LINGO2: variants seen among roughly 807,000 people sequenced by gnomAD.
The protein encoded by LINGO2 is leucine-rich repeat and immunoglobulin-like domain-containing nogo receptor-interacting protein 2.
A neutral mutation model predicts 30.6 loss-of-function variants in LINGO2; 14 were observed. That is an observed-to-expected ratio of 0.46 (90% CI 0.30 to 0.72). LINGO2 has a LOEUF of 0.72. Among genes scored for constraint, LINGO2 ranks in the 30% least tolerant of loss-of-function variants. The pLI, the probability that LINGO2 is intolerant of heterozygous loss-of-function variation, is 0.07. For synonymous variants in LINGO2, 317 were observed against 288.5 expected (o/e 1.10, Z -1.00); for missense variants, 729 against 751.7 (o/e 0.97, Z 0.35).
intron 4 of LINGO2, among the ~76,000 whole-genome samples, chr9:28,086,259 C>T (rs1168353986): frequency 6.6e-6 from 1 of 152,012 alleles, no homozygotes; most frequent in Non-Finnish European, 1.5e-5. Context: ...TGGAAAAATG[C>T]TGCACTATAT....
At chr9:28,553,811 C>T (rs1822465649) in intron 1 of LINGO2, among the ~76,000 whole-genome samples, 1 of 151,998 alleles carries the variant, frequency 6.6e-6, no homozygotes, top group African/African-American at 2.4e-5. Context: ...CGGCAGAAAC[C>T]CTACAAGCCA....
intron 4 of LINGO2, among the ~76,000 whole-genome samples, chr9:28,239,968 G>T (rs1207523062): frequency 2.0e-5 from 3 of 152,010 alleles, no homozygotes; most frequent in Non-Finnish European, 4.4e-5. Flanking sequence ...ATAAAAATTA[G>T]CAGCACTTCT....
At chr9:28,229,372 G>T (rs6476045) in intron 4 of LINGO2, among the ~76,000 whole-genome samples, 85,341 of 151,396 alleles carry the variant, frequency 0.56, 25,003 homozygotes, top group African/African-American at 0.74. Flanking sequence ...TATAATAACT[G>T]TAGAAGAAAA....
the LINGO2 span, among the ~76,000 whole-genome samples, chr9:28,946,247 A>G: frequency 6.6e-6 from 1 of 152,172 alleles, no homozygotes; most frequent in Non-Finnish European, 1.5e-5. Context: ...ACAGAAGCAA[A>G]TATAGGGTTA....
chr9:28,787,426 C>A, the LINGO2 span, among the ~76,000 whole-genome samples: 10,999 of 152,088 alleles, frequency 0.072, 509 homozygotes, highest in Non-Finnish European at 0.1. Flanking sequence ...TCTGTGGCAT[C>A]TTGTAGGATA....
chr9:28,784,030 C>T, the LINGO2 span, among the ~76,000 whole-genome samples: 1 of 152,214 alleles, frequency 6.6e-6, no homozygotes, highest in Non-Finnish European at 1.5e-5. Flanking sequence ...CACCGCTGAA[C>T]ACCATCTCAT....
In LINGO2 at chr9:28,225,302, A is replaced by G. The variant is rs149752722; in HGVS notation, c.-87+69906T>C. Among the ~76,000 whole-genome samples, 534 of 152,304 alleles carry G rather than the reference A, an allele frequency of 3.5e-3. 2 individuals are homozygous for G. Among genetic ancestry groups the G allele is most frequent in the African/African-American group, 0.012 (514 of 41,574 alleles). ...TTGTGAGATTTTTAAAATTATAATTACAGTGATTTATTATGTTCTTGGATG... is the reference window on the plus strand; with the variant it reads ...TTGTGAGATTTTTAAAATTATAATTGCAGTGATTTATTATGTTCTTGGATG... On this transcript the variant is annotated intron_variant, in intron 4 of 5. Coordinates refer to ENST00000379992, the Ensembl canonical transcript of LINGO2.
chr9:28,503,077 A>C (rs904675870), intron 1 of LINGO2, among the ~76,000 whole-genome samples: 4 of 152,062 alleles, frequency 2.6e-5, no homozygotes, highest in Non-Finnish European at 4.4e-5. Flanking sequence ...ATAAATTTGC[A>C]TACTAAGGTA....
chr9:28,189,018 A>G (rs1003173314), intron 4 of LINGO2, among the ~76,000 whole-genome samples: 2 of 150,502 alleles, frequency 1.3e-5, no homozygotes, highest in Admixed American at 1.3e-4. Context: ...ACATCAATTA[A>G]GAAGATAATC....
intron 1 of LINGO2, among the ~76,000 whole-genome samples, chr9:28,476,397 TC>T (rs1825729715): frequency 1.3e-5 from 2 of 152,118 alleles, no homozygotes; most frequent in Admixed American, 1.3e-4. Context: ...TGCCTCAGCC[TC>T]CCGAGTAGCT....
At chr9:28,970,645 C>G in the LINGO2 span, among the ~76,000 whole-genome samples, 2 of 152,092 alleles carry the variant, frequency 1.3e-5, no homozygotes, top group East Asian at 1.9e-4. Context: ...AAAACTAGAC[C>G]AGACTCAGCT....
chr9:29,019,254 A>G, the LINGO2 span, among the ~76,000 whole-genome samples: 5 of 152,198 alleles, frequency 3.3e-5, no homozygotes, highest in East Asian at 9.6e-4. Context: ...CTTAAGGTTT[A>G]GACTTCAAAT....
At chr9:28,769,804 T>A in the LINGO2 span, among the ~76,000 whole-genome samples, 2 of 151,684 alleles carry the variant, frequency 1.3e-5, no homozygotes, top group African/African-American at 4.8e-5. Flanking sequence ...TTGGCATGCT[T>A]TCATTTCCTA....
chr9:28,981,753 A>T, the LINGO2 span, among the ~76,000 whole-genome samples: 2 of 152,114 alleles, frequency 1.3e-5, no homozygotes, highest in African/African-American at 4.8e-5. Flanking sequence ...ACTTTAGCTT[A>T]TTTATTGAGT....
At chr9:28,343,251 T>G (rs1819427253) in intron 3 of LINGO2, among the ~76,000 whole-genome samples, 1 of 152,176 alleles carries the variant, frequency 6.6e-6, no homozygotes, top group South Asian at 2.1e-4. Context: ...AAACCTACAC[T>G]TTGCTTATAG....
chr9:28,651,999 C>A (rs1434230657), intron 1 of LINGO2, among the ~76,000 whole-genome samples: 1 of 152,118 alleles, frequency 6.6e-6, no homozygotes, highest in African/African-American at 2.4e-5. Flanking sequence ...AAGTACGTAG[C>A]CCTCAATTTG....
chr9:28,916,707 T>C, the LINGO2 span, among the ~76,000 whole-genome samples: 1 of 152,228 alleles, frequency 6.6e-6, no homozygotes, highest in Non-Finnish European at 1.5e-5. Context: ...CCCAACCACC[T>C]TGGGAACATG....
the LINGO2 span, among the ~76,000 whole-genome samples, chr9:29,016,868 G>A: frequency 6.6e-6 from 1 of 152,208 alleles, no homozygotes; most frequent in Non-Finnish European, 1.5e-5. Context: ...ATCTTTAGAG[G>A]CTGCAACTTA....
At chr9:28,313,309 G>A (rs1292786788) in intron 3 of LINGO2, among the ~76,000 whole-genome samples, 1 of 152,146 alleles carries the variant, frequency 6.6e-6, no homozygotes, top group African/African-American at 2.4e-5. Context: ...CTGGGCTCCT[G>A]CTCACACATT....
Sources: allele counts gnomAD v4.1 joint callset (sites outside exome capture counted in the v4.1 genomes callset), GRCh38; gene constraint gnomAD v4.1.1; transcripts MANE v1.5; gene names NCBI Gene and HGNC (gene_info 2026-07-23, HGNC 2026-07-21).